RAB38: variants seen among roughly 807,000 people sequenced by gnomAD.
RAB38 encodes the protein ras-related protein Rab-38.
A neutral mutation model predicts 18.4 loss-of-function variants in RAB38; 15 were observed. The observed-to-expected ratio is 0.82, with a 90% confidence interval of 0.55 to 1.26. The LOEUF (loss-of-function observed/expected upper bound fraction) is 1.26. RAB38 is among the 50% of genes most tolerant of loss of function. The pLI, the probability that RAB38 is intolerant of heterozygous loss-of-function variation, is 0.00. For missense variants in RAB38, 294 were observed against 267.4 expected (o/e 1.10, Z -0.69); for synonymous variants, 101 against 104.4 (o/e 0.97, Z 0.20).
intron 1 of RAB38, chr11:88,174,133 G>C (rs185458425): frequency 1.0e-6 from 1 of 967,144 alleles, no homozygotes; most frequent in Admixed American, 6.2e-5. Context: ...GAAGATCCTT[G>C]ACCCTTGCCC....
the RAB38 span, among the ~76,000 whole-genome samples, chr11:87,881,020 C>T: frequency 6.6e-6 from 1 of 151,824 alleles, no homozygotes; most frequent in Non-Finnish European, 1.5e-5. Flanking sequence ...TGCTCTGTCA[C>T]CCAGGCTGAA....
the RAB38 span, among the ~76,000 whole-genome samples, chr11:87,875,147 T>C: frequency 1.3e-5 from 2 of 151,498 alleles, no homozygotes; most frequent in African/African-American, 4.8e-5. Flanking sequence ...TATTTTAAAA[T>C]AATTCAGAGA....
the RAB38 span, among the ~76,000 whole-genome samples, chr11:87,900,589 T>C: frequency 6.6e-6 from 1 of 151,402 alleles, no homozygotes; most frequent in South Asian, 2.1e-4. Flanking sequence ...CAACTGGAAC[T>C]CAATGTTCCC....
the RAB38 span, among the ~76,000 whole-genome samples, chr11:88,056,803 CAATA>C: frequency 2.6e-4 from 32 of 121,392 alleles, no homozygotes; most frequent in South Asian, 9.8e-4. Flanking sequence ...GACTCCGTCT[CAATA>C]AATAAATAAA....
the RAB38 span, among the ~76,000 whole-genome samples, chr11:88,029,636 C>T: frequency 2.0e-5 from 3 of 152,116 alleles, no homozygotes; most frequent in East Asian, 1.9e-4. Context: ...ACAAAGAAGG[C>T]CATTACATAA....
chr11:87,963,459 C>T, the RAB38 span, among the ~76,000 whole-genome samples: 1 of 152,012 alleles, frequency 6.6e-6, no homozygotes, highest in Non-Finnish European at 1.5e-5. Flanking sequence ...TATAAAATCA[C>T]AAATTAAAAT....
intron 2 of RAB38, among the ~76,000 whole-genome samples, chr11:88,128,147 G>A (rs1198031053): frequency 6.6e-6 from 1 of 152,210 alleles, no homozygotes; most frequent in Non-Finnish European, 1.5e-5. Flanking sequence ...GGAGACTTGA[G>A]TCTTAGCCCT....
chr11:88,032,586 C>G, the RAB38 span, among the ~76,000 whole-genome samples: 1 of 152,188 alleles, frequency 6.6e-6, no homozygotes, highest in Non-Finnish European at 1.5e-5. Flanking sequence ...AGACATTTCT[C>G]AGAAGAAGAC....
the RAB38 span, among the ~76,000 whole-genome samples, chr11:87,950,162 G>T: frequency 1.2e-4 from 18 of 151,900 alleles, no homozygotes; most frequent in African/African-American, 3.9e-4. Flanking sequence ...CATCTCTTTT[G>T]GTCTTTGTTG....
chr11:87,928,930 C>CA, the RAB38 span, among the ~76,000 whole-genome samples: 1 of 152,044 alleles, frequency 6.6e-6, no homozygotes, highest in Non-Finnish European at 1.5e-5. Context: ...GCCTGACCAA[C>CA]ATGGTGAAAC....
chr11:88,168,638 A>G (rs1943271940), intron 1 of RAB38, among the ~76,000 whole-genome samples: 1 of 150,418 alleles, frequency 6.6e-6, no homozygotes, highest in Non-Finnish European at 1.5e-5. Context: ...AAGATCTTAT[A>G]CTTCTCAAAT....
the RAB38 span, among the ~76,000 whole-genome samples, chr11:88,107,672 G>GT: frequency 6.6e-6 from 1 of 152,012 alleles, no homozygotes; most frequent in African/African-American, 2.4e-5. Context: ...TTTTGAATTT[G>GT]TTTGTTGCTG....
At chr11:87,976,923 AT>A in the RAB38 span, among the ~76,000 whole-genome samples, 16 of 48 alleles carry the variant, frequency 0.33, 8 homozygotes, top group African/African-American at 0.62. Context: ...ATATATTATA[AT>A]TACATTATAC....
the RAB38 span, among the ~76,000 whole-genome samples, chr11:88,004,663 AG>A: frequency 6.6e-6 from 1 of 151,334 alleles, no homozygotes; most frequent in Non-Finnish European, 1.5e-5. Flanking sequence ...ATATGTAAAA[AG>A]TACAGAGCTT....
At chr11:87,830,884 C>T in the RAB38 span, among the ~76,000 whole-genome samples, 1 of 151,938 alleles carries the variant, frequency 6.6e-6, no homozygotes, top group African/African-American at 2.4e-5. Flanking sequence ...CTGCAACCTC[C>T]ATCTCCATGG....
At chr11:87,808,990 A>C in the RAB38 span, among the ~76,000 whole-genome samples, 1 of 152,124 alleles carries the variant, frequency 6.6e-6, no homozygotes, top group Admixed American at 6.5e-5. Context: ...AAATTGGTAG[A>C]GGGGAAAGAA....
At chr11:87,824,396 C>A in the RAB38 span, among the ~76,000 whole-genome samples, 10 of 152,174 alleles carry the variant, frequency 6.6e-5, no homozygotes, top group African/African-American at 2.2e-4. Context: ...AAATCTAAAT[C>A]AATGATCAAG....
chr11:87,940,846 T>G, the RAB38 span, among the ~76,000 whole-genome samples: 3 of 152,016 alleles, frequency 2.0e-5, no homozygotes, highest in Non-Finnish European at 2.9e-5. Context: ...TTGCCAGGCT[T>G]GTCTCAAACT....
chr11:87,835,177 G>C, the RAB38 span, among the ~76,000 whole-genome samples: 3 of 152,206 alleles, frequency 2.0e-5, no homozygotes, highest in East Asian at 5.8e-4. Flanking sequence ...TCCTAGAAAA[G>C]CTGGGGAACT....
Sources: allele counts gnomAD v4.1 joint callset (sites outside exome capture counted in the v4.1 genomes callset), GRCh38; gene constraint gnomAD v4.1.1; transcripts MANE v1.5; gene names NCBI Gene and HGNC (gene_info 2026-07-23, HGNC 2026-07-21).